The following PCDHGA5 variants were observed in gnomAD, a reference collection of about 807,000 sequenced individuals.
PCDHGA5 encodes the protein protocadherin gamma-A5.
A neutral mutation model predicts 56.7 loss-of-function variants in PCDHGA5; 36 were observed. The observed-to-expected ratio is 0.64, with a 90% CI of 0.49 to 0.84. The LOEUF is 0.84. Among genes scored for constraint, PCDHGA5 ranks in the 40% least tolerant of loss-of-function variants. The pLI, the probability that PCDHGA5 is intolerant of heterozygous loss-of-function variation, is 0.00. For missense variants in PCDHGA5, 1,305 were observed against 1,201.5 expected (o/e 1.09, Z -1.27); for synonymous variants, 563 against 520.2 (o/e 1.08, Z -1.12).
Position 141,421,478 on chromosome 5 carries a change from G to A in PCDHGA5, c.2421+54727G>A, listed in dbSNP as rs763769838. The A allele has an allele frequency of 2.5e-6, 4 of 1,614,012 alleles. No individual in the cohort carries two copies. In the African/African-American group the frequency reaches 4.0e-5, roughly 16 times the overall value. On this transcript the variant is annotated intron_variant, in intron 1 of 3. Coordinates refer to ENST00000518069, the MANE Select transcript of PCDHGA5 (RefSeq NM_018918.3). ...TTCGCTGTGAATCCGCGAAGCGGCA[G>A]CTTGATCACGGCAGGCAGGATAGAC... is the stretch of plus-strand genomic sequence containing the variant.
In PCDHGA5 at chr5:141,511,032, G is replaced by C. The variant is rs779589499; in HGVS notation, c.2655G>C (p.Gln885His). Residue 885 changes from glutamine to histidine, a missense_variant, in exon 4 of 4, where the codon CAG (glutamine) becomes CAC (histidine). Gln to His is a conservative substitution (Grantham distance 24). Coordinates refer to ENST00000518069, the MANE Select transcript of PCDHGA5 (RefSeq NM_018918.3). ...SARYGPQFTL[Q>H]HVPDYRQNVY... ...GCTACGGACCCCAGTTCACCCTGCA[G>C]CACGTGCCCGACTACCGCCAGAATG... 6.2e-7 allele frequency: 1 copy of C among 1,614,228 alleles called. No individual in the cohort carries two copies. The highest frequency in any genetic ancestry group is 8.5e-7 in the Non-Finnish European group (1 of 1,180,036).
At chr5:141,478,924 T>C (rs1213046748) in intron 1 of PCDHGA5, 10 of 704,004 alleles carry the variant, frequency 1.4e-5, no homozygotes. Context: ...CTCTAACCAG[T>C]GGCAGCTTCT....
intron 1 of PCDHGA5, among the ~76,000 whole-genome samples, chr5:141,401,895 TC>T (rs2094205697): frequency 6.6e-6 from 1 of 152,224 alleles, no homozygotes; most frequent in Non-Finnish European, 1.5e-5. Context: ...GTGTTCTTTT[TC>T]CCAAATTATT....
At position 141,364,322 on chromosome 5, in the gene PCDHGA5, G is replaced by A. The variant is rs572334298; in HGVS notation, c.-9G>A. The A allele has an allele frequency of 2.6e-6, 4 of 1,527,038 alleles. No homozygotes were observed. In the Admixed American group the frequency reaches 6.7e-5, roughly 26 times the overall value. The allele number at this position is 1,527,038 out of a possible 1,614,324, so 94.6% of individuals were successfully genotyped here. On this transcript the variant is annotated 5_prime_UTR_variant, in exon 1 of 4. Transcript: ENST00000518069. ...CAGAACTAAGAGAAAATTGGGCAGAGAGAAGGCAATGGCGAGTCCACCTAG... is the reference window on the plus strand; with the variant it reads ...CAGAACTAAGAGAAAATTGGGCAGAAAGAAGGCAATGGCGAGTCCACCTAG...
chr5:141,395,093 C>T (rs1372671941), intron 1 of PCDHGA5: 1 of 1,614,158 alleles, frequency 6.2e-7, no homozygotes, highest in Non-Finnish European at 8.5e-7. Flanking sequence ...TCTCCCTCAC[C>T]GCCGACTCGC....
At chr5:141,403,804 T>G (rs2094456767) in intron 1 of PCDHGA5, 1 of 1,613,764 alleles carries the variant, frequency 6.2e-7, no homozygotes, top group Non-Finnish European at 8.5e-7. Context: ...TCTGGAAAAT[T>G]AATGAAAAAC....
At chr5:141,366,937 T>G in intron 1 of PCDHGA5, 186 bp downstream of exon 1, 1 of 860,432 alleles carries the variant, frequency 1.2e-6, no homozygotes, top group Non-Finnish European at 1.7e-6. Context: ...TTGGGAAGTC[T>G]AGCTGATATC....
chr5:141,422,194 C>A, intron 1 of PCDHGA5: 1 of 1,562,366 alleles, frequency 6.4e-7, no homozygotes, highest in South Asian at 1.2e-5. Flanking sequence ...AATTCAAGGC[C>A]AAGATGGTGG....
Position 141,485,538 on chromosome 5 carries a change from A to T in PCDHGA5, c.2422-9269A>T. ...TTGGAAATGTACCGAGCAGAGGTAG[A>T]GATCGTAGATGTGAATGATCACGCC... On this transcript the variant is annotated intron_variant, in intron 1 of 3. Transcript: ENST00000518069. The surrounding 1 kb of genome is among the most constrained non-coding windows in gnomAD (Gnocchi z 5.7). The T allele has an allele frequency of 6.2e-7, 1 of 1,614,162 alleles. No individual in the cohort carries two copies. Among genetic ancestry groups the T allele is most frequent in the Admixed American group, 1.7e-5 (1 of 60,012 alleles).
chr5:141,408,796 A>G (rs2154540634), intron 1 of PCDHGA5: 1 of 1,612,808 alleles, frequency 6.2e-7, no homozygotes, highest in Non-Finnish European at 8.5e-7. Context: ...CTCTGGAGAA[A>G]CTCCTAGACC....
intron 1 of PCDHGA5, chr5:141,417,977 G>T (rs752463782): frequency 1.2e-6 from 2 of 1,613,872 alleles, no homozygotes; most frequent in South Asian, 2.2e-5. Context: ...GATTCCGGAG[G>T]AGCTGGCCAA....
At chr5:141,414,812 T>C (rs1389980970) in intron 1 of PCDHGA5, 1 of 1,614,172 alleles carries the variant, frequency 6.2e-7, no homozygotes, top group South Asian at 1.1e-5. Flanking sequence ...GATCCTCCAC[T>C]CAGCAGCAAC....
chr5:141,469,112 A>T (rs1207790108), intron 1 of PCDHGA5, among the ~76,000 whole-genome samples: 1 of 151,698 alleles, frequency 6.6e-6, no homozygotes, highest in African/African-American at 2.4e-5. Flanking sequence ...ACCTGTCTCT[A>T]AAAAAATTTA....
chr5:141,494,985 C>A, intron 2 of PCDHGA5, 120 bp downstream of exon 2: 1 of 1,559,680 alleles, frequency 6.4e-7, no homozygotes. Context: ...AGTTTGAGAT[C>A]CCAGGGAGGT....
At chr5:141,394,684 G>C in intron 1 of PCDHGA5, 1 of 1,612,090 alleles carries the variant, frequency 6.2e-7, no homozygotes, top group South Asian at 1.1e-5. Flanking sequence ...CTGCACACGG[G>C]CGAGGTGCGC....
intron 3 of PCDHGA5, 46 bp downstream of exon 3, chr5:141,505,527 T>C: frequency 6.2e-7 from 1 of 1,612,388 alleles, no homozygotes; most frequent in Non-Finnish European, 8.5e-7. Context: ...GACCTGGGGT[T>C]CTGGGGTGCA....
In PCDHGA5 at chr5:141,364,350, G is replaced by A; in HGVS notation, c.20G>A (p.Gly7Asp). 6.5e-7 allele frequency: 1 copy of A among 1,550,364 alleles called. No homozygotes were observed. The highest frequency in any genetic ancestry group is 8.7e-7 in the Non-Finnish European group (1 of 1,151,212). Residue 7 changes from glycine to aspartate, a missense_variant, in exon 1 of 4, where the codon GGC (glycine) becomes GAC (aspartate). By Grantham distance (94) the Gly-to-Asp change is moderately conservative. Transcript: ENST00000518069. MASPPR[G>D]WGCGELLLPF... ...AAGGCAATGGCGAGTCCACCTAGGG[G>A]CTGGGGCTGCGGAGAGCTGCTGCTG...
chr5:141,387,560 C>A, intron 1 of PCDHGA5: 1 of 421,856 alleles, frequency 2.4e-6, no homozygotes, highest in East Asian at 3.8e-5. Context: ...CAGTTAGGCA[C>A]ACAATTATAA....
chr5:141,413,217 C>A (rs762828191), intron 1 of PCDHGA5: 8 of 1,613,184 alleles, frequency 5.0e-6, no homozygotes, highest in African/African-American at 1.3e-5. Context: ...CAAAGGATTG[C>A]AGCGGGCTGG....
Sources: allele counts gnomAD v4.1 joint callset (sites outside exome capture counted in the v4.1 genomes callset), GRCh38; gene constraint gnomAD v4.1.1; non-coding constraint Gnocchi (gnomAD v3.1); transcripts MANE v1.5; gene names NCBI Gene and HGNC (gene_info 2026-07-23, HGNC 2026-07-21).